Variants in ACSM1 observed in about 807,000 individuals in gnomAD.
The protein encoded by ACSM1 is acyl-CoA synthetase medium chain family member 1.
In ACSM1, 79 loss-of-function variants were observed where a neutral mutation model predicts 75.8. The observed-to-expected ratio is 1.04, with a 90% CI of 0.87 to 1.26. ACSM1 has a LOEUF of 1.26. Among genes scored for constraint, ACSM1 ranks in the 50% most tolerant of loss-of-function variants. ACSM1 has a pLI of 0.00. For missense variants in ACSM1, 676 were observed against 720.1 expected (o/e 0.94, Z 0.70); for synonymous variants, 279 against 265.8 (o/e 1.05, Z -0.48).
intron 10 of ACSM1, among the ~76,000 whole-genome samples, chr16:20,635,012 C>A (rs1320687303): frequency 1.3e-5 from 2 of 151,950 alleles, no homozygotes; most frequent in African/African-American, 4.8e-5. Context: ...CCAAAGAAGT[C>A]CCAATGGAGG....
intron 7 of ACSM1, among the ~76,000 whole-genome samples, chr16:20,655,803 T>C (rs1401138063): frequency 6.6e-6 from 1 of 152,042 alleles, no homozygotes; most frequent in Non-Finnish European, 1.5e-5. Context: ...ACTGGGACTA[T>C]AGGTAGGCAC....
At chr16:20,626,056 A>C (rs942813059) in intron 11 of ACSM1, among the ~76,000 whole-genome samples, 6 of 152,174 alleles carry the variant, frequency 3.9e-5, no homozygotes, top group African/African-American at 1.4e-4. Context: ...TCTTTGTGCA[A>C]ATTTCCAGTA....
intron 2 of ACSM1, 145 bp from the exon 3 acceptor site, chr16:20,685,548 G>A (rs575701245): frequency 1.6e-5 from 12 of 772,920 alleles, no homozygotes; most frequent in South Asian, 5.0e-5. Context: ...ACAGCCAGGC[G>A]CAGTGGCTCA....
chr16:20,644,752 G>T (rs1283456216), intron 7 of ACSM1, among the ~76,000 whole-genome samples: 1 of 152,154 alleles, frequency 6.6e-6, no homozygotes, highest in African/African-American at 2.4e-5. Flanking sequence ...ACTAAACAAG[G>T]TCTTATAGAC....
At chr16:20,674,363 A>AT in intron 4 of ACSM1, 1 of 217,896 alleles carries the variant, frequency 4.6e-6, no homozygotes, top group South Asian at 5.3e-5. Context: ...AAAAGTAAGA[A>AT]ATGATGTAAT....
chr16:20,630,919 C>A (rs151131003), intron 10 of ACSM1, among the ~76,000 whole-genome samples: 1,643 of 152,270 alleles, frequency 0.011, 10 homozygotes, highest in Middle Eastern at 0.034. Flanking sequence ...ATACTCTTAA[C>A]TAACCAATGA....
At chr16:20,682,084 A>C in intron 4 of ACSM1, 172 bp downstream of exon 4, 1 of 618,348 alleles carries the variant, frequency 1.6e-6, no homozygotes, top group Non-Finnish European at 2.8e-6. Context: ...TGAAATGCTT[A>C]AAAGGTAACC....
intron 10 of ACSM1, among the ~76,000 whole-genome samples, chr16:20,632,692 G>A (rs2017422713): frequency 6.6e-6 from 1 of 152,132 alleles, no homozygotes; most frequent in Non-Finnish European, 1.5e-5. Flanking sequence ...AATCTATGAG[G>A]CCAGCATTAC....
At position 20,691,806 on chromosome 16, in the gene ACSM1, T is replaced by TGTGTGTGTGTGTG. The variant is rs1596478335; in HGVS notation, c.-51-568_-51-567insCACACACACACAC. 2.8e-5 allele frequency among the ~76,000 whole-genome samples: 4 copies of TGTGTGTGTGTGTG among 144,498 alleles called. No homozygotes were observed. The East Asian group carries it at 6.0e-4, about 22-fold the overall frequency. 94.8% of individuals were successfully genotyped at this position (144,498 alleles called of 152,430 possible). ...GTGTGTGTGTGTGTGTGTGTGTGTG[T>TGTGTGTGTGTGTG]TTCTAAACAGATTTAAATATATCAG... On this transcript the variant is annotated intron_variant, in intron 1 of 13. Transcript: ENST00000520010.
intron 4 of ACSM1, chr16:20,674,011 A>G: frequency 2.4e-6 from 1 of 412,986 alleles, no homozygotes; most frequent in Non-Finnish European, 4.9e-6. Flanking sequence ...AAACAGTGAC[A>G]TAAGTGAGGT....
At chr16:20,675,932 G>A (rs927521907) in intron 4 of ACSM1, among the ~76,000 whole-genome samples, 1 of 152,184 alleles carries the variant, frequency 6.6e-6, no homozygotes, top group Non-Finnish European at 1.5e-5. Context: ...AAAGCCAAAA[G>A]TAAAAGTAAA....
intron 10 of ACSM1, among the ~76,000 whole-genome samples, chr16:20,631,491 C>G (rs1389140996): frequency 6.6e-6 from 1 of 152,120 alleles, no homozygotes; most frequent in South Asian, 2.1e-4. Flanking sequence ...GTAGAACTAC[C>G]ATTCGATCCA....
chr16:20,624,027 T>G (rs2016765466), intron 13 of ACSM1, 69 bp downstream of exon 13: 2 of 1,589,454 alleles, frequency 1.3e-6, no homozygotes, highest in Non-Finnish European at 1.7e-6. Context: ...TTACCTCCAG[T>G]GATACCTAGC....
In ACSM1 at chr16:20,661,906, T is replaced by C. The variant is rs1207013786; in HGVS notation, c.913-33A>G. 3 of 1,495,212 alleles carry C rather than the reference T, an allele frequency of 2.0e-6. No homozygotes were observed. In the African/African-American group the frequency reaches 4.1e-5, roughly 21 times the overall value. 92.6% of individuals were successfully genotyped at this position (1,495,212 alleles called of 1,614,324 possible). Reference sequence around the variant, plus strand: ...GGGAAGAGAGAAGAAATTTTATTTTTACAGTTAAGGTTAAACTAACAGCCA... The same window carrying C: ...GGGAAGAGAGAAGAAATTTTATTTTCACAGTTAAGGTTAAACTAACAGCCA... On this transcript the variant is annotated intron_variant, in intron 6 of 13. Transcript: ENST00000520010.
intron 2 of ACSM1, among the ~76,000 whole-genome samples, chr16:20,688,163 G>A (rs2079587899): frequency 6.6e-6 from 1 of 151,484 alleles, no homozygotes; most frequent in African/African-American, 2.4e-5. Flanking sequence ...TAACTAAATT[G>A]AAAATTCACT....
intron 2 of ACSM1, 68 bp downstream of exon 2, chr16:20,690,929 A>G: frequency 6.7e-7 from 1 of 1,486,856 alleles, no homozygotes; most frequent in Non-Finnish European, 9.1e-7. Context: ...CTTTCAGCCT[A>G]GTAGGAGCAA....
intron 7 of ACSM1, among the ~76,000 whole-genome samples, chr16:20,653,941 T>A (rs1231884039): frequency 6.6e-6 from 1 of 152,152 alleles, no homozygotes; most frequent in Non-Finnish European, 1.5e-5. Flanking sequence ...GAGCCTGCAT[T>A]GTCAAGGCAA....
chr16:20,650,496 A>C (rs975041639), intron 7 of ACSM1, among the ~76,000 whole-genome samples: 3 of 151,996 alleles, frequency 2.0e-5, no homozygotes, highest in Non-Finnish European at 4.4e-5. Context: ...AAGGCTGATT[A>C]CCCAGCATTT....
intron 12 of ACSM1, among the ~76,000 whole-genome samples, 165 bp from the exon 13 acceptor site, chr16:20,624,380 A>G (rs879394772): frequency 1.3e-5 from 2 of 152,228 alleles, no homozygotes; most frequent in Non-Finnish European, 2.9e-5. Context: ...TTCCCACTCC[A>G]TGCCTTGAAA....
Sources: gnomAD v4.1 joint callset for allele counts (sites outside exome capture counted in the v4.1 genomes callset) on GRCh38, gnomAD v4.1.1 for gene constraint, MANE v1.5 for transcripts, NCBI Gene and HGNC (gene_info 2026-07-23, HGNC 2026-07-21) for gene names.